ST7: variants seen among roughly 807,000 people sequenced by gnomAD.
ST7 encodes the protein suppression of tumorigenicity 7.
Under a neutral mutation model 78.7 loss-of-function variants are expected in ST7, and 28 were observed. That is an observed-to-expected ratio of 0.36 (90% CI 0.26 to 0.49). The LOEUF is 0.49. ST7 is among the 20% of genes least tolerant of loss of function. The pLI, the probability that ST7 is intolerant of heterozygous loss-of-function variation, is 0.99. For synonymous variants in ST7, 247 were observed against 249.6 expected (o/e 0.99, Z 0.10); for missense variants, 418 against 696.0 (o/e 0.60, Z 4.49).
chr7:117,183,649 A>G (rs757655225), intron 10 of ST7, among the ~76,000 whole-genome samples: 2 of 152,140 alleles, frequency 1.3e-5, no homozygotes, highest in Non-Finnish European at 2.9e-5. Flanking sequence ...CCTTGAACAC[A>G]ATATATTAGT....
chr7:117,070,010 C>A (rs1037940694), intron 1 of ST7, among the ~76,000 whole-genome samples: 2 of 152,324 alleles, frequency 1.3e-5, no homozygotes, highest in African/African-American at 2.4e-5. Context: ...GAAATTGATG[C>A]TCTAGAAAGG....
intron 12 of ST7, chr7:117,198,320 G>T (rs550507905): frequency 8.8e-6 from 4 of 456,468 alleles, no homozygotes; most frequent in East Asian, 1.4e-4. Flanking sequence ...GTGCTTGCAG[G>T]CTAGGTGGAA....
At chr7:116,989,043 A>G (rs1794310309) in intron 1 of ST7, among the ~76,000 whole-genome samples, 1 of 152,220 alleles carries the variant, frequency 6.6e-6, no homozygotes, top group African/African-American at 2.4e-5. Flanking sequence ...TGAGCCACAT[A>G]TGAAATTCTA....
chr7:117,158,609 G>A (rs1483628600), intron 9 of ST7, among the ~76,000 whole-genome samples: 1 of 152,158 alleles, frequency 6.6e-6, no homozygotes, highest in Non-Finnish European at 1.5e-5. Flanking sequence ...TTCAATGGAT[G>A]CAGCTTAATA....
intron 15 of ST7, among the ~76,000 whole-genome samples, chr7:117,222,676 G>A (rs1015042247): frequency 2.0e-5 from 3 of 152,168 alleles, no homozygotes; most frequent in African/African-American, 7.2e-5. Flanking sequence ...GTTGAAAACT[G>A]ACCATTTCAA....
intron 1 of ST7, among the ~76,000 whole-genome samples, chr7:117,081,863 C>T (rs571471985): frequency 6.6e-6 from 1 of 152,026 alleles, no homozygotes; most frequent in Non-Finnish European, 1.5e-5. Flanking sequence ...CACACACATA[C>T]ACTGAGACAG....
At chr7:116,956,367 G>A in intron 1 of ST7, 1 of 412,310 alleles carries the variant, frequency 2.4e-6, no homozygotes, top group Non-Finnish European at 5.0e-6. Flanking sequence ...GGTCTAACTT[G>A]TCCTTGCAGG....
intron 1 of ST7, among the ~76,000 whole-genome samples, chr7:116,999,420 A>G (rs1487585405): frequency 6.6e-6 from 1 of 152,214 alleles, no homozygotes; most frequent in Non-Finnish European, 1.5e-5. Flanking sequence ...TCCAAGGTTT[A>G]GTAAGTGCAC....
chr7:117,169,488 C>T (rs1378037685), intron 9 of ST7, among the ~76,000 whole-genome samples: 3 of 152,084 alleles, frequency 2.0e-5, no homozygotes, highest in Non-Finnish European at 4.4e-5. Flanking sequence ...CTTGGTCTTT[C>T]TTCTTTCTCT....
chr7:117,123,447 A>G lies in ST7; in HGVS notation c.394+3727A>G, dbSNP rs551810645. 2.6e-5 allele frequency among the ~76,000 whole-genome samples: 4 copies of G among 152,272 alleles called. No individual in the cohort carries two copies. The South Asian group carries it at 8.3e-4, about 32-fold the overall frequency. ...GCAGACTTGCTCACAATTTGCAGTG[A>G]TCTTTATCTGCGGGCCAGTGGAGAA... On this transcript the variant is annotated intron_variant, in intron 3 of 15. Coordinates refer to ENST00000323984, the MANE Select transcript of ST7 (RefSeq NM_001369598.1).
chr7:116,970,959 C>T (rs1265628223), intron 1 of ST7, among the ~76,000 whole-genome samples: 7 of 152,124 alleles, frequency 4.6e-5, no homozygotes, highest in African/African-American at 7.2e-5. Context: ...AAAACAGTTG[C>T]ACTATTGATT....
chr7:117,031,838 ATC>A (rs1796597536), intron 1 of ST7, among the ~76,000 whole-genome samples: 1 of 121,902 alleles, frequency 8.2e-6, no homozygotes, highest in East Asian at 2.8e-4. Flanking sequence ...CTATATCTAT[ATC>A]TATATCTATA....
intron 1 of ST7, among the ~76,000 whole-genome samples, chr7:116,961,686 T>C (rs1792836835): frequency 6.6e-6 from 1 of 151,988 alleles, no homozygotes; most frequent in South Asian, 2.1e-4. Flanking sequence ...TTTTTGCACA[T>C]TGATTTTATA....
At chr7:117,161,131 T>C (rs1022220977) in intron 9 of ST7, among the ~76,000 whole-genome samples, 3 of 150,182 alleles carry the variant, frequency 2.0e-5, no homozygotes, top group African/African-American at 7.3e-5. Flanking sequence ...AACACCACCA[T>C]AAATAGCTAC....
intron 3 of ST7, 47 bp downstream of exon 3, chr7:117,119,767 A>G: frequency 1.3e-6 from 2 of 1,582,594 alleles, no homozygotes; most frequent in Non-Finnish European, 1.7e-6. Flanking sequence ...TACTGTTACT[A>G]AATTATTATT....
At chr7:117,104,907 C>A (rs1241213993) in intron 2 of ST7, among the ~76,000 whole-genome samples, 1 of 152,104 alleles carries the variant, frequency 6.6e-6, no homozygotes, top group South Asian at 2.1e-4. Context: ...TACCCAATAT[C>A]TCAGTGGGGT....
intron 12 of ST7, among the ~76,000 whole-genome samples, chr7:117,201,310 C>A (rs2106627): frequency 0.096 from 14,550 of 152,034 alleles, 2,213 homozygotes; most frequent in African/African-American, 0.32. Flanking sequence ...AGTTTTTAGC[C>A]ACATTTCTCA....
At chr7:117,132,641 C>T (rs1008856676) in intron 6 of ST7, among the ~76,000 whole-genome samples, 1 of 150,620 alleles carries the variant, frequency 6.6e-6, no homozygotes, top group African/African-American at 2.4e-5. Flanking sequence ...TATGATTTTT[C>T]TGAAGAAGGT....
intron 1 of ST7, among the ~76,000 whole-genome samples, chr7:117,098,975 G>T (rs1459991853): frequency 6.9e-6 from 1 of 145,006 alleles, no homozygotes; most frequent in East Asian, 2.1e-4. Flanking sequence ...TGGTCAAGAA[G>T]GTGCCTGGGC....
Sources: gnomAD v4.1 joint callset for allele counts (sites outside exome capture counted in the v4.1 genomes callset) on GRCh38, gnomAD v4.1.1 for gene constraint, MANE v1.5 for transcripts, NCBI Gene and HGNC (gene_info 2026-07-23, HGNC 2026-07-21) for gene names.